Variants in CMTM8 observed in about 807,000 individuals in gnomAD.
CMTM8 encodes the protein CKLF-like MARVEL transmembrane domain-containing protein 8.
In CMTM8, 12 loss-of-function variants were observed where a neutral mutation model predicts 18.6. The observed-to-expected ratio is 0.65, with a 90% CI of 0.41 to 1.05. CMTM8 has a LOEUF of 1.05. Among genes scored for constraint, CMTM8 ranks in the 50% least tolerant of loss-of-function variants. The pLI is 0.00. For missense variants in CMTM8, 217 were observed against 227.2 expected (o/e 0.95, Z 0.29); for synonymous variants, 87 against 90.6 (o/e 0.96, Z 0.23).
At chr3:32,340,699 C>T (rs1324844475) in intron 1 of CMTM8, among the ~76,000 whole-genome samples, 1 of 152,256 alleles carries the variant, frequency 6.6e-6, no homozygotes, top group Non-Finnish European at 1.5e-5. Flanking sequence ...ATAGATAATA[C>T]ATTCATGAAT....
At chr3:32,359,155 C>A (rs1351043177) in intron 2 of CMTM8, among the ~76,000 whole-genome samples, 1 of 152,204 alleles carries the variant, frequency 6.6e-6, no homozygotes, top group Non-Finnish European at 1.5e-5. Flanking sequence ...AATTGGCATG[C>A]TGTCTCTGTA....
intron 2 of CMTM8, among the ~76,000 whole-genome samples, chr3:32,362,120 A>T (rs1350905304): frequency 1.5e-5 from 2 of 135,122 alleles, no homozygotes; most frequent in African/African-American, 2.8e-5. Flanking sequence ...GGCTCACTAC[A>T]CCCTCCGCCT....
At chr3:32,311,248 T>TA (rs1173147555) in intron 1 of CMTM8, among the ~76,000 whole-genome samples, 1 of 152,238 alleles carries the variant, frequency 6.6e-6, no homozygotes, top group Non-Finnish European at 1.5e-5. Context: ...TTGCAGTTTG[T>TA]AAAAAATTAT....
intron 1 of CMTM8, among the ~76,000 whole-genome samples, chr3:32,292,677 G>A (rs1245146980): frequency 1.3e-5 from 2 of 152,004 alleles, no homozygotes; most frequent in African/African-American, 4.8e-5. Context: ...ATTTTGGGCT[G>A]GATAATTCTC....
intron 1 of CMTM8, among the ~76,000 whole-genome samples, chr3:32,299,413 C>T (rs1695569474): frequency 6.6e-6 from 1 of 152,106 alleles, no homozygotes; most frequent in African/African-American, 2.4e-5. Context: ...GATCAACTTT[C>T]CTTTTATAGG....
At chr3:32,263,275 A>G (rs1185749201) in intron 1 of CMTM8, among the ~76,000 whole-genome samples, 2 of 152,196 alleles carry the variant, frequency 1.3e-5, no homozygotes, top group Non-Finnish European at 2.9e-5. Context: ...ACAATCAGGC[A>G]GCAACGTTTG....
At chr3:32,266,829 A>T (rs898019243) in intron 1 of CMTM8, among the ~76,000 whole-genome samples, 1 of 152,236 alleles carries the variant, frequency 6.6e-6, no homozygotes, top group African/African-American at 2.4e-5. Flanking sequence ...CAGCCAAATC[A>T]TGAGTGAACT....
chr3:32,312,157 A>G (rs1695832267), intron 1 of CMTM8, among the ~76,000 whole-genome samples: 2 of 152,200 alleles, frequency 1.3e-5, no homozygotes, highest in South Asian at 4.1e-4. Flanking sequence ...GCGTCAGTCT[A>G]GAGCCCTCAT....
At chr3:32,246,962 G>A (rs572401035) in intron 1 of CMTM8, among the ~76,000 whole-genome samples, 73 of 152,198 alleles carry the variant, frequency 4.8e-4, no homozygotes, top group African/African-American at 1.6e-3. Flanking sequence ...TCAGCTGGGC[G>A]TAGTGGCAGG....
intron 1 of CMTM8, among the ~76,000 whole-genome samples, chr3:32,281,031 C>T (rs186592336): frequency 6.6e-6 from 1 of 152,200 alleles, no homozygotes; most frequent in Admixed American, 6.5e-5. Context: ...ATTCAGTGCA[C>T]CCAACTATTT....
intron 1 of CMTM8, among the ~76,000 whole-genome samples, chr3:32,338,900 G>A (rs1356029559): frequency 6.6e-6 from 1 of 152,202 alleles, no homozygotes; most frequent in African/African-American, 2.4e-5. Context: ...TTTAACTGGG[G>A]CTGAAGAATC....
At chr3:32,292,034 T>C (rs1194089515) in intron 1 of CMTM8, among the ~76,000 whole-genome samples, 2 of 152,244 alleles carry the variant, frequency 1.3e-5, no homozygotes, top group Non-Finnish European at 2.9e-5. Flanking sequence ...TACAGATCTA[T>C]AGCTCTCATC....
At position 32,301,942 on chromosome 3, in the gene CMTM8, G is replaced by T. The variant is rs144670100; in HGVS notation, c.148-55431G>T. ...TTCATAGTCATTAATATTCTTTCTG[G>T]TGCTAAAATTTTTGCAACAAAAATA... On this transcript the variant is annotated intron_variant, in intron 1 of 3. Transcript: ENST00000307526. Among the ~76,000 whole-genome samples, 183 of 151,540 alleles carry T rather than the reference G, an allele frequency of 1.2e-3. 1 individual carries two copies. The highest frequency in any genetic ancestry group is 2.2e-3 in the Non-Finnish European group (149 of 67,944).
At chr3:32,323,144 A>G (rs1014921642) in intron 1 of CMTM8, among the ~76,000 whole-genome samples, 8 of 152,126 alleles carry the variant, frequency 5.3e-5, no homozygotes, top group Admixed American at 3.3e-4. Flanking sequence ...AGTCCTTCCA[A>G]TTGCACATCT....
intron 1 of CMTM8, among the ~76,000 whole-genome samples, chr3:32,319,237 C>A (rs938459746): frequency 4.6e-5 from 7 of 150,672 alleles, no homozygotes; most frequent in African/African-American, 1.7e-4. Flanking sequence ...CACCACCATG[C>A]CTGGCTAATT....
intron 1 of CMTM8, among the ~76,000 whole-genome samples, chr3:32,322,506 C>T (rs1696075805): frequency 6.6e-6 from 1 of 152,180 alleles, no homozygotes. Context: ...CCTGGCTGGC[C>T]TGCTTCTCAT....
intron 1 of CMTM8, among the ~76,000 whole-genome samples, chr3:32,284,648 C>T (rs189542808): frequency 6.6e-6 from 1 of 152,310 alleles, no homozygotes; most frequent in Non-Finnish European, 1.5e-5. Flanking sequence ...TCACAGCTCA[C>T]AGAGGGCATG....
chr3:32,311,455 C>G (rs1245658113), intron 1 of CMTM8, among the ~76,000 whole-genome samples: 1 of 152,178 alleles, frequency 6.6e-6, no homozygotes, highest in African/African-American at 2.4e-5. Flanking sequence ...AGAATTGGTT[C>G]CCTTGTCTCT....
chr3:32,277,285 A>G (rs970393985), intron 1 of CMTM8, among the ~76,000 whole-genome samples: 1 of 152,132 alleles, frequency 6.6e-6, no homozygotes. Context: ...GAGGCCCTAC[A>G]TGGTGAGGCT....
Sources: allele counts gnomAD v4.1 joint callset (sites outside exome capture counted in the v4.1 genomes callset), GRCh38; gene constraint gnomAD v4.1.1; transcripts MANE v1.5; gene names NCBI Gene and HGNC (gene_info 2026-07-23, HGNC 2026-07-21).